Variants in DCC observed in about 807,000 individuals in gnomAD.
DCC encodes the protein DCC netrin 1 receptor.
In DCC, 58 loss-of-function variants were observed where a neutral mutation model predicts 172.5. The ratio of observed to expected loss-of-function variants is 0.34; its 90% CI spans 0.27 to 0.42. The LOEUF (loss-of-function observed/expected upper bound fraction) is 0.42, where lower values mean the gene tolerates loss of function less well. Ranked by LOEUF, DCC falls within the 10% of genes least tolerant of loss-of-function variation. DCC has a pLI of 1.00. For missense variants in DCC, 1,740 were observed against 1,791.0 expected (o/e 0.97, Z 0.51); for synonymous variants, 709 against 644.5 (o/e 1.10, Z -1.52).
At chr18:53,146,477 A>G (rs895513228) in intron 7 of DCC, among the ~76,000 whole-genome samples, 1 of 152,192 alleles carries the variant, frequency 6.6e-6, no homozygotes, top group African/African-American at 2.4e-5. Context: ...AAGTCCTTTT[A>G]TAAGAGCAAT....
At chr18:53,027,797 A>G (rs2041976052) in intron 5 of DCC, among the ~76,000 whole-genome samples, 1 of 151,542 alleles carries the variant, frequency 6.6e-6, no homozygotes. Context: ...TAACTTGCGT[A>G]TAGTTTTGAC....
At chr18:52,381,997 C>G (rs1014561350) in intron 1 of DCC, among the ~76,000 whole-genome samples, 14 of 152,114 alleles carry the variant, frequency 9.2e-5, no homozygotes, top group South Asian at 8.3e-4. Flanking sequence ...AATGCTGCCT[C>G]TTAGTTCCTT....
intron 5 of DCC, among the ~76,000 whole-genome samples, chr18:52,954,219 C>T (rs1177133507): frequency 6.6e-6 from 1 of 152,088 alleles, no homozygotes. Flanking sequence ...CATGAGAATA[C>T]TTGTGGTTAA....
At chr18:52,374,504 C>T (rs1985263346) in intron 1 of DCC, among the ~76,000 whole-genome samples, 1 of 147,464 alleles carries the variant, frequency 6.8e-6, no homozygotes, top group Non-Finnish European at 1.5e-5. Flanking sequence ...GCTATAAATG[C>T]TATATATATA....
intron 24 of DCC, among the ~76,000 whole-genome samples, chr18:53,465,142 GT>G (rs1047816073): frequency 2.0e-5 from 3 of 151,906 alleles, no homozygotes; most frequent in Admixed American, 1.3e-4. Context: ...AGGAAAGTCT[GT>G]TGTATTTAAT....
intron 2 of DCC, among the ~76,000 whole-genome samples, chr18:52,784,934 G>GGGGGGA (rs536041160): frequency 9.2e-5 from 13 of 141,554 alleles, no homozygotes; most frequent in African/African-American, 2.9e-4. Context: ...AGAGAAGGGG[G>GGGGGGA]GAGAGAGAGA....
chr18:52,714,614 C>G (rs1006231651), intron 1 of DCC, among the ~76,000 whole-genome samples: 1 of 152,120 alleles, frequency 6.6e-6, no homozygotes, highest in Non-Finnish European at 1.5e-5. Flanking sequence ...ATAAGCATCT[C>G]ATCCATTTGA....
At chr18:53,170,287 C>T (rs1434120611) in intron 8 of DCC, among the ~76,000 whole-genome samples, 1 of 152,142 alleles carries the variant, frequency 6.6e-6, no homozygotes, top group African/African-American at 2.4e-5. Context: ...TTCTCAGTGT[C>T]CCTCAGAGAG....
chr18:52,821,581 C>T (rs2038407872), intron 2 of DCC, among the ~76,000 whole-genome samples: 1 of 152,148 alleles, frequency 6.6e-6, no homozygotes, highest in African/African-American at 2.4e-5. Context: ...CTAATCCCTC[C>T]ATTAAGACCA....
At chr18:53,387,294 G>A (rs879275641) in intron 16 of DCC, among the ~76,000 whole-genome samples, 4 of 152,094 alleles carry the variant, frequency 2.6e-5, no homozygotes, top group Non-Finnish European at 5.9e-5. Flanking sequence ...TTATGTCATG[G>A]CCTTTAGAAA....
chr18:53,215,641 A>G lies in DCC; in HGVS notation c.1911+44A>G, dbSNP rs375114087. ...CACTACTCCATTACCTATCAAGATT[A>G]CCTATCATGTATAACCTTCACTCAC... On this transcript the variant is annotated intron_variant, in intron 12 of 28. Transcript: ENST00000442544. The G allele has an allele frequency of 6.7e-6, 10 of 1,491,996 alleles. No homozygotes were observed. The African/African-American group carries it at 1.1e-4, about 16-fold the overall frequency. 92.4% of individuals were successfully genotyped at this position (1,491,996 alleles called of 1,614,324 possible).
intron 5 of DCC, among the ~76,000 whole-genome samples, chr18:53,052,991 A>G (rs2144044273): frequency 1.3e-5 from 2 of 152,154 alleles, no homozygotes; most frequent in South Asian, 4.2e-4. Flanking sequence ...AAAAATACAA[A>G]AATTAGTAGA....
chr18:52,556,105 C>T (rs561276895), intron 1 of DCC, among the ~76,000 whole-genome samples: 1 of 152,156 alleles, frequency 6.6e-6, no homozygotes, highest in South Asian at 2.1e-4. Context: ...GCTCCTAAGT[C>T]CAGGGAGAAG....
At chr18:53,511,809 T>C (rs1462350942) in intron 27 of DCC, among the ~76,000 whole-genome samples, 1 of 152,138 alleles carries the variant, frequency 6.6e-6, no homozygotes, top group East Asian at 1.9e-4. Context: ...CGGAGGGTCC[T>C]ACGCCCACGG....
chr18:52,561,971 T>G (rs1036102446), intron 1 of DCC, among the ~76,000 whole-genome samples: 2 of 152,200 alleles, frequency 1.3e-5, no homozygotes, highest in East Asian at 3.8e-4. Flanking sequence ...CAAGTGTTAA[T>G]TAAGAATGGT....
At chr18:52,868,420 G>A (rs1321249607) in intron 2 of DCC, among the ~76,000 whole-genome samples, 3 of 152,198 alleles carry the variant, frequency 2.0e-5, no homozygotes, top group South Asian at 2.1e-4. Flanking sequence ...ATTTGTATGC[G>A]TGTAGCATCT....
chr18:53,156,810 A>G (rs2054744237), intron 7 of DCC, among the ~76,000 whole-genome samples: 1 of 152,160 alleles, frequency 6.6e-6, no homozygotes, highest in African/African-American at 2.4e-5. Flanking sequence ...ATATAGATAC[A>G]TGTGTTCATT....
At chr18:53,385,563 C>T (rs757562476) in intron 15 of DCC, among the ~76,000 whole-genome samples, 1 of 152,150 alleles carries the variant, frequency 6.6e-6, no homozygotes, top group Non-Finnish European at 1.5e-5. Flanking sequence ...AGAGAGGAGA[C>T]TTTGCAGGTC....
At chr18:53,006,211 C>A (rs1302196599) in intron 5 of DCC, among the ~76,000 whole-genome samples, 3 of 152,130 alleles carry the variant, frequency 2.0e-5, no homozygotes, top group African/African-American at 7.2e-5. Flanking sequence ...TGTCTCATGA[C>A]AAACAAATAG....
Sources: gnomAD v4.1 joint callset for allele counts (sites outside exome capture counted in the v4.1 genomes callset) on GRCh38, gnomAD v4.1.1 for gene constraint, MANE v1.5 for transcripts, NCBI Gene and HGNC (gene_info 2026-07-23, HGNC 2026-07-21) for gene names.